The following AKAP6 variants were observed in gnomAD, a reference collection of about 807,000 sequenced individuals.
The protein encoded by AKAP6 is A-kinase anchor protein 6.
A neutral mutation model predicts 188.5 loss-of-function variants in AKAP6; 58 were observed. That is an observed-to-expected ratio of 0.31 (90% CI 0.25 to 0.38). The LOEUF is 0.38. AKAP6 is among the 10% of genes least tolerant of loss of function. The probability of loss-of-function intolerance (pLI) is 1.00; values close to 1 mark genes in which losing one functional copy is unlikely to be tolerated. For missense variants in AKAP6, 2,710 were observed against 2,740.0 expected, an observed-to-expected ratio of 0.99 and a Z score of 0.24; for synonymous variants, 989 against 998.6, an observed-to-expected ratio of 0.99 and a Z score of 0.18.
intron 4 of AKAP6, among the ~76,000 whole-genome samples, chr14:32,564,760 T>TTAGA (rs1449760954): frequency 2.6e-5 from 4 of 152,236 alleles, no homozygotes; most frequent in Non-Finnish European, 5.9e-5. Flanking sequence ...CAAGCCACAG[T>TTAGA]ACTTCCTGTT....
chr14:32,711,214 C>CT (rs1185795966), intron 9 of AKAP6, among the ~76,000 whole-genome samples: 1 of 152,036 alleles, frequency 6.6e-6, no homozygotes, highest in Admixed American at 6.6e-5. Flanking sequence ...AACCCAAACT[C>CT]TGTTTTGCTT....
intron 12 of AKAP6, among the ~76,000 whole-genome samples, chr14:32,814,947 C>G (rs1327225723): frequency 6.6e-6 from 1 of 152,142 alleles, no homozygotes; most frequent in Non-Finnish European, 1.5e-5. Flanking sequence ...ATTTTAAGTA[C>G]TGGGGCTCTA....
intron 7 of AKAP6, among the ~76,000 whole-genome samples, chr14:32,605,422 G>C (rs553106792): frequency 2.6e-5 from 4 of 152,252 alleles, no homozygotes; most frequent in Admixed American, 2.6e-4. Context: ...TGTTGCAGAT[G>C]ATGAGTAGGC....
chr14:32,433,780 A>G lies in AKAP6; in HGVS notation c.287A>G (p.Asp96Gly), dbSNP rs1215581791. ...ACCTATTCAGTCCAGCAGGATTCGG[A>G]CAGCAAGCATGTGGATGTACATCTA... Reference protein sequence around the residue: ...DLTYSVQQDSDSKHVDVHLVQ... With the variant: ...DLTYSVQQDSGSKHVDVHLVQ... The change falls in exon 2 of 14, where the codon GAC becomes GGC. Residue 96 changes from aspartate (D) to glycine (G), a missense_variant. By Grantham distance (94) the Asp-to-Gly change is moderately conservative. Around this residue, in one of 2 missense-constraint regions of AKAP6, gnomAD observed 237 missense variants for 313.9 expected, o/e 0.76. Coordinates refer to ENST00000280979, the MANE Select transcript of AKAP6 (RefSeq NM_004274.5). The G allele has an allele frequency of 6.2e-7, 1 of 1,614,094 alleles. No homozygotes were observed. The highest frequency in any genetic ancestry group is 1.7e-5 in the Admixed American group (1 of 60,024).
Position 32,491,995 on chromosome 14 carries a change from G to A in AKAP6, c.325-43559G>A, listed in dbSNP as rs1022842067. Reference sequence around the variant, plus strand: ...TGTGATCCTAGAAATCCCTTCCTCTGTACTAGCCTGAAGTGTGAGGGTTAT... The same window carrying A: ...TGTGATCCTAGAAATCCCTTCCTCTATACTAGCCTGAAGTGTGAGGGTTAT... On this transcript the variant is annotated intron_variant, in intron 2 of 13. Coordinates refer to ENST00000280979, the MANE Select transcript of AKAP6 (RefSeq NM_004274.5). 8.6e-5 allele frequency among the ~76,000 whole-genome samples: 13 copies of A among 152,036 alleles called. 1 individual carries two copies. The highest frequency in any genetic ancestry group is 8.5e-4 in the Admixed American group (13 of 15,260).
intron 2 of AKAP6, among the ~76,000 whole-genome samples, chr14:32,501,114 A>G (rs1463856178): frequency 1.3e-5 from 2 of 152,156 alleles, no homozygotes; most frequent in Non-Finnish European, 2.9e-5. Flanking sequence ...TGCGATTTTT[A>G]AATTTTCTAA....
chr14:32,589,173 A>T (rs1885374419), intron 5 of AKAP6, among the ~76,000 whole-genome samples: 1 of 152,228 alleles, frequency 6.6e-6, no homozygotes, highest in Non-Finnish European at 1.5e-5. Flanking sequence ...AAACTTCAAA[A>T]GCATGAGCTA....
chr14:32,434,881 G>C (rs1890331623), intron 2 of AKAP6, among the ~76,000 whole-genome samples: 1 of 152,168 alleles, frequency 6.6e-6, no homozygotes, highest in Non-Finnish European at 1.5e-5. Context: ...GTGGTCGGGG[G>C]AGAGAACAAA....
chr14:32,393,743 A>G (rs1390825915), intron 1 of AKAP6, among the ~76,000 whole-genome samples: 1 of 152,164 alleles, frequency 6.6e-6, no homozygotes, highest in Non-Finnish European at 1.5e-5. Context: ...TACAGGTTCT[A>G]GTTATCTTCT....
At chr14:32,414,920 A>G (rs867651679) in intron 1 of AKAP6, among the ~76,000 whole-genome samples, 1 of 152,304 alleles carries the variant, frequency 6.6e-6, no homozygotes, top group Middle Eastern at 3.4e-3. Context: ...CTAAATTTGG[A>G]TGCCTGTTTC....
At chr14:32,412,150 C>T (rs963389067) in intron 1 of AKAP6, among the ~76,000 whole-genome samples, 3 of 152,210 alleles carry the variant, frequency 2.0e-5, no homozygotes, top group Admixed American at 6.5e-5. Flanking sequence ...AACTATTTCA[C>T]ACCCTCTTAT....
intron 1 of AKAP6, among the ~76,000 whole-genome samples, chr14:32,344,869 T>C (rs1212382982): frequency 1.5e-5 from 2 of 136,032 alleles, no homozygotes; most frequent in Non-Finnish European, 3.0e-5. Flanking sequence ...TGAGCCGAGA[T>C]AGCACCACTA....
At chr14:32,496,585 A>G (rs998255883) in intron 2 of AKAP6, among the ~76,000 whole-genome samples, 45 of 152,060 alleles carry the variant, frequency 3.0e-4, no homozygotes, top group African/African-American at 1.1e-3. Flanking sequence ...TTAAAAAAAA[A>G]AAGTTGAAAA....
intron 9 of AKAP6, among the ~76,000 whole-genome samples, chr14:32,711,215 T>C (rs1445536509): frequency 1.3e-5 from 2 of 152,084 alleles, no homozygotes; most frequent in Non-Finnish European, 2.9e-5. Flanking sequence ...ACCCAAACTC[T>C]GTTTTGCTTG....
intron 9 of AKAP6, among the ~76,000 whole-genome samples, chr14:32,727,759 A>G (rs1406392057): frequency 6.6e-6 from 1 of 152,194 alleles, no homozygotes; most frequent in Non-Finnish European, 1.5e-5. Flanking sequence ...TACAAGGACA[A>G]TTGTAGGAGT....
chr14:32,818,075 G>A (rs759157058), intron 12 of AKAP6, among the ~76,000 whole-genome samples: 9 of 152,116 alleles, frequency 5.9e-5, no homozygotes, highest in Non-Finnish European at 8.8e-5. Flanking sequence ...ACAACAGGAA[G>A]GGAGTGAGCG....
intron 1 of AKAP6, among the ~76,000 whole-genome samples, chr14:32,392,455 G>A (rs1005601414): frequency 6.6e-6 from 1 of 152,134 alleles, no homozygotes; most frequent in Non-Finnish European, 1.5e-5. Context: ...ACAAATGCTT[G>A]TGTATGCATG....
At chr14:32,504,067 A>G (rs1446359559) in intron 2 of AKAP6, among the ~76,000 whole-genome samples, 1 of 151,890 alleles carries the variant, frequency 6.6e-6, no homozygotes, top group East Asian at 1.9e-4. Context: ...CCAATAATAT[A>G]TTTTATTATT....
chr14:32,813,213 G>T (rs1242357981), intron 12 of AKAP6, among the ~76,000 whole-genome samples: 1 of 152,132 alleles, frequency 6.6e-6, no homozygotes, highest in Non-Finnish European at 1.5e-5. Flanking sequence ...TTTATTTAAA[G>T]ATACAACTCA....
Sources: gnomAD v4.1 joint callset for allele counts (sites outside exome capture counted in the v4.1 genomes callset) on GRCh38, gnomAD v4.1.1 for gene constraint, gnomAD v4.1.1 regional missense constraint, MANE v1.5 for transcripts, NCBI Gene and HGNC (gene_info 2026-07-23, HGNC 2026-07-21) for gene names.